Variants in SLC2A1 observed in about 807,000 individuals in gnomAD.
The protein encoded by SLC2A1 is solute carrier family 2 member 1, also known as solute carrier family 2, facilitated glucose transporter member 1.
Under a neutral mutation model 46.6 loss-of-function variants are expected in SLC2A1, and 4 were observed. The ratio of observed to expected loss-of-function variants is 0.09; its 90% CI spans 0.04 to 0.20. The LOEUF is 0.20. Among genes scored for constraint, SLC2A1 ranks in the 10% least tolerant of loss-of-function variants. The probability of loss-of-function intolerance (pLI) is 1.00; values close to 1 mark genes in which losing one functional copy is unlikely to be tolerated. For synonymous variants in SLC2A1, 253 were observed against 270.0 expected (o/e 0.94, Z 0.62); for missense variants, 352 against 667.0 (o/e 0.53, Z 5.20).
In SLC2A1 at chr1:42,929,202, AG is replaced by A. The variant is rs531385270; in HGVS notation, c.972+7del. 3.8e-4 allele frequency: 611 copies of A among 1,612,434 alleles called. No individual in the cohort carries two copies. Among genetic ancestry groups the A allele is most frequent in the Non-Finnish European group, 5.0e-4 (591 of 1,178,486 alleles). The stretch of plus-strand genomic sequence containing the variant: ...TTTGGCTGGGGGGGCCAGTAAGCAA[AG>A]ACTCACCGACACGACAGTGAAGGCC... On this transcript the variant is annotated splice_region_variant and intron_variant, in intron 7 of 9. Coordinates refer to ENST00000426263, the MANE Select transcript of SLC2A1 (RefSeq NM_006516.4). This position sits in a 1 kb window ranked among gnomAD's most constrained non-coding sequence, Gnocchi z 6.0.
chr1:42,955,011 G>A (rs1643758681), intron 1 of SLC2A1, among the ~76,000 whole-genome samples: 1 of 152,168 alleles, frequency 6.6e-6, no homozygotes, highest in Non-Finnish European at 1.5e-5. Flanking sequence ...TTCCCAACAA[G>A]CCCCTACTAG....
Position 42,927,689 on chromosome 1 carries a change from A to G in SLC2A1, c.1194T>C (p.Gly398=), listed in dbSNP as rs761121578. ...WFIVAELFSQ[G]PRPAAIAVAG... ...CAACGGCAATGGCAGCTGGACGTGG[A>G]CCCTGGCTGAAGAGTTCAGCCACGA... Residue 398 remains glycine, a synonymous_variant, in exon 9 of 10, where the codon GGT becomes GGC. Coordinates refer to ENST00000426263, the MANE Select transcript of SLC2A1 (RefSeq NM_006516.4). The surrounding 1 kb of genome is among the most constrained non-coding windows in gnomAD (Gnocchi z 5.3). 5.9e-5 allele frequency: 96 copies of G among 1,614,066 alleles called. 3 individuals carry two copies. The South Asian group carries it at 1.0e-3, about 17-fold the overall frequency.
In SLC2A1 at chr1:42,929,693, T is replaced by A. The variant is rs935400435; in HGVS notation, c.767A>T (p.Lys256Met). The change falls in exon 6 of 10, where the codon AAG becomes ATG. Residue 256 changes from lysine to methionine, a missense_variant. Physicochemically the swap from Lys to Met is moderately conservative, Grantham distance 95 (BLOSUM62 -1). Coordinates refer to ENST00000426263, the MANE Select transcript of SLC2A1 (RefSeq NM_006516.4). The surrounding 1 kb of genome is among the most constrained non-coding windows in gnomAD (Gnocchi z 6.0). ...EESRQMMREK[K>M]VTILELFRSP... is the part of the protein sequence containing the mutation. ...GCGGAACAGCTCCAGGATGGTGACC[T>A]TCTTCTCCCGCATCATCTGCCGACT... is the stretch of plus-strand genomic sequence containing the variant. 65 of 1,613,700 alleles carry A rather than the reference T, an allele frequency of 4.0e-5. No homozygotes were observed. The highest frequency in any genetic ancestry group is 5.4e-5 in the Non-Finnish European group (64 of 1,179,932).
At chr1:42,931,614 TC>T (rs1643490788) in intron 2 of SLC2A1, among the ~76,000 whole-genome samples, 1 of 151,522 alleles carries the variant, frequency 6.6e-6, no homozygotes, top group Non-Finnish European at 1.5e-5. Context: ...TCACTGGAGA[TC>T]AGGAGTTCGA....
In SLC2A1 at chr1:42,943,207, A is replaced by G; in HGVS notation, c.114+19T>C. 6.4e-7 allele frequency: 1 copy of G among 1,570,358 alleles called. No homozygotes were observed. Among genetic ancestry groups the G allele is most frequent in the Non-Finnish European group, 8.8e-7 (1 of 1,141,304 alleles). ...AGAGCAGGCTGGTGTCCATAAGCCA[A>G]CGATGGCACAGTACTCACCTTCTGG... On this transcript the variant is annotated intron_variant, in intron 2 of 9. Coordinates refer to ENST00000426263, the MANE Select transcript of SLC2A1 (RefSeq NM_006516.4).
rs1055832726 is a variant in SLC2A1, at chr1:42,926,996, C to G, written c.*45G>C. The G allele has an allele frequency of 1.3e-5, 21 of 1,605,442 alleles. No homozygotes were observed. In the Middle Eastern group the frequency reaches 3.3e-3, roughly 253 times the overall value. ...CCAGCTGCCTGTGCTCCTGAGAGAT[C>G]CTTAGGGCTGCTGGGAGCAGGCCGG... On this transcript the variant is annotated 3_prime_UTR_variant, in exon 10 of 10. Transcript: ENST00000426263.
chr1:42,944,005 G>A (rs749942360), intron 1 of SLC2A1, among the ~76,000 whole-genome samples: 1 of 152,222 alleles, frequency 6.6e-6, no homozygotes, highest in Non-Finnish European at 1.5e-5. Flanking sequence ...GGAGCCTGCA[G>A]CAGAGCTCAG....
chr1:42,935,535 A>G (rs953447363), intron 2 of SLC2A1, among the ~76,000 whole-genome samples: 2 of 152,176 alleles, frequency 1.3e-5, no homozygotes, highest in African/African-American at 4.8e-5. Context: ...AGAAGTCACC[A>G]CTTTCGGAGG....
intron 2 of SLC2A1, among the ~76,000 whole-genome samples, chr1:42,938,421 G>A (rs1177180534): frequency 4.6e-5 from 7 of 152,310 alleles, no homozygotes; most frequent in African/African-American, 9.6e-5. Flanking sequence ...TGTCAGCCCC[G>A]CCTGCCTTGT....
intron 1 of SLC2A1, chr1:42,952,582 G>C (rs1362847631): frequency 6.2e-6 from 2 of 321,310 alleles, no homozygotes; most frequent in Admixed American, 4.0e-5. Context: ...CTGTGGGATG[G>C]AGGCAAGGCG....
In SLC2A1 at chr1:42,930,665, C is replaced by T. The variant is rs1156871240; in HGVS notation, c.477G>A (p.Leu159=). 4.3e-6 allele frequency: 7 copies of T among 1,612,670 alleles called. No homozygotes were observed. Among genetic ancestry groups the T allele is most frequent in the Non-Finnish European group, 5.9e-6 (7 of 1,179,314 alleles). ...TGCCGACGACGATGCCCAGCTGGTG[C>T]AGGGTGCCCAGGGCCCCACGAAGGG... is the stretch of plus-strand genomic sequence containing the variant. ...PTALRGALGT[L]HQLGIVVGIL... Residue 159 remains leucine (L), a synonymous_variant, in exon 4 of 10, where the codon CTG becomes CTA. Transcript: ENST00000426263. The surrounding 1 kb of genome is among the most constrained non-coding windows in gnomAD (Gnocchi z 6.2).
At chr1:42,934,255 C>G (rs568422068) in intron 2 of SLC2A1, among the ~76,000 whole-genome samples, 1 of 152,124 alleles carries the variant, frequency 6.6e-6, no homozygotes, top group Non-Finnish European at 1.5e-5. Context: ...GGCTCCTGGA[C>G]GCTGCCTAGC....
At chr1:42,946,213 G>A (rs978769647) in intron 1 of SLC2A1, among the ~76,000 whole-genome samples, 1 of 152,218 alleles carries the variant, frequency 6.6e-6, no homozygotes, top group Non-Finnish European at 1.5e-5. Flanking sequence ...CCCCTCCGCT[G>A]GACCTTGTCA....
intron 2 of SLC2A1, among the ~76,000 whole-genome samples, chr1:42,933,957 C>T (rs1023096150): frequency 6.6e-6 from 1 of 152,180 alleles, no homozygotes; most frequent in African/African-American, 2.4e-5. Context: ...CTAAGGTATT[C>T]CCCCAACCCT....
chr1:42,947,460 C>T (rs1376350759), intron 1 of SLC2A1, among the ~76,000 whole-genome samples: 8 of 151,724 alleles, frequency 5.3e-5, no homozygotes, highest in Admixed American at 3.9e-4. Flanking sequence ...AGGGGCAGGA[C>T]GCGGTGATCC....
At position 42,930,103 on chromosome 1, in the gene SLC2A1, G is replaced by A; in HGVS notation, c.517-68C>T. Reference sequence around the variant, plus strand: ...TTTCCCACCCCGTCCTGCCAGAGTGGCCTTCCCTACTTTGTGTCAGCTGCT... The same window carrying A: ...TTTCCCACCCCGTCCTGCCAGAGTGACCTTCCCTACTTTGTGTCAGCTGCT... On this transcript the variant is annotated intron_variant, in intron 4 of 9. Transcript: ENST00000426263. The surrounding 1 kb of genome is among the most constrained non-coding windows in gnomAD (Gnocchi z 6.2). 1 of 1,572,512 alleles carries A rather than the reference G, an allele frequency of 6.4e-7. No homozygotes were observed. The highest frequency in any genetic ancestry group is 8.7e-7 in the Non-Finnish European group (1 of 1,149,548).
Position 42,929,322 on chromosome 1 carries a change from A to G in SLC2A1, c.868-8T>C. The G allele has an allele frequency of 6.2e-7, 1 of 1,603,200 alleles. No homozygotes were observed. The highest frequency in any genetic ancestry group is 8.5e-7 in the Non-Finnish European group (1 of 1,174,158). Reference sequence around the variant, plus strand: ...CGTGGAGTAATAGAAGACCTGCCAGACAAGAGAAACTGTTGGGGCCTACCT... The same window carrying G: ...CGTGGAGTAATAGAAGACCTGCCAGGCAAGAGAAACTGTTGGGGCCTACCT... On this transcript the variant is annotated splice_polypyrimidine_tract_variant and splice_region_variant and intron_variant, in intron 6 of 9. Transcript: ENST00000426263. The surrounding 1 kb of genome is among the most constrained non-coding windows in gnomAD (Gnocchi z 6.0).
At chr1:42,928,345 T>C (rs1425784431) in intron 8 of SLC2A1, among the ~76,000 whole-genome samples, 1 of 152,234 alleles carries the variant, frequency 6.6e-6, no homozygotes, top group Non-Finnish European at 1.5e-5. Flanking sequence ...GTCATGGTGC[T>C]TTCCTTGCCC....
At chr1:42,948,542 G>C (rs549208401) in intron 1 of SLC2A1, among the ~76,000 whole-genome samples, 13 of 152,156 alleles carry the variant, frequency 8.5e-5, no homozygotes, top group Non-Finnish European at 1.5e-4. Context: ...TCAAAGGAGT[G>C]GGGGAGGGGT....
Sources: allele counts gnomAD v4.1 joint callset (sites outside exome capture counted in the v4.1 genomes callset), GRCh38; gene constraint gnomAD v4.1.1; non-coding constraint Gnocchi (gnomAD v3.1); transcripts MANE v1.5; gene names NCBI Gene and HGNC (gene_info 2026-07-23, HGNC 2026-07-21).